The following SFXN5 variants were observed in gnomAD, a reference collection of about 807,000 sequenced individuals.
The protein encoded by SFXN5 is sideroflexin 5.
In SFXN5, 43 loss-of-function variants were observed where a neutral mutation model predicts 50.2. That is an observed-to-expected ratio of 0.86 (90% confidence interval 0.67 to 1.11). The LOEUF (loss-of-function observed/expected upper bound fraction) is 1.11. Ranked by LOEUF, SFXN5 falls within the 50% of genes least tolerant of loss-of-function variation. The probability of loss-of-function intolerance (pLI) is 0.00; values close to 1 mark genes in which losing one functional copy is unlikely to be tolerated. For missense variants in SFXN5, 463 were observed against 454.1 expected, an observed-to-expected ratio of 1.02 and a Z score of -0.18; for synonymous variants, 203 against 185.8, an observed-to-expected ratio of 1.09 and a Z score of -0.75.
Position 72,961,092 on chromosome 2 carries a change from C to CCCCTG in SFXN5, c.945+34_945+38dup, listed in dbSNP as rs59002174. The CCCCTG allele has an allele frequency of 5.1e-6, 7 of 1,375,912 alleles. No individual in the cohort carries two copies. Among genetic ancestry groups the CCCCTG allele is most frequent in the Middle Eastern group, 1.8e-4 (1 of 5,434 alleles). The allele number at this position is 1,375,912 out of a possible 1,614,324, so 85.2% of individuals were successfully genotyped here. The stretch of plus-strand genomic sequence containing the variant: ...TTGTTCAGAAATCACCAAACAGCAC[C>CCCCTG]CCCTGCCCTGCCCTGCCCTTGAGCC... On this transcript the variant is annotated intron_variant, in intron 13 of 13. Coordinates refer to ENST00000272433, the MANE Select transcript of SFXN5 (RefSeq NM_144579.3). The surrounding 1 kb of genome is among the most constrained non-coding windows in gnomAD (Gnocchi z 4.4).
chr2:73,000,445 G>T lies in SFXN5; in HGVS notation c.454C>A (p.Arg152Ser). The change falls in exon 8 of 14, where the codon CGC (arginine) becomes AGC (serine). Residue 152 changes from arginine (R) to serine (S), a missense_variant. Physicochemically the swap from Arg to Ser is moderately radical, Grantham distance 110. Coordinates refer to ENST00000272433, the MANE Select transcript of SFXN5 (RefSeq NM_144579.3). ...SHNACVNYAN[R>S]NATKPSPASK... ...GTGATGCTCACCTTGGTCGCATTGC[G>T]GTTTGCATAGTTGACACAGGCATTG... The T allele has an allele frequency of 6.4e-7, 1 of 1,559,410 alleles. No homozygotes were observed. Among genetic ancestry groups the T allele is most frequent in the East Asian group, 2.4e-5 (1 of 42,240 alleles).
At chr2:73,041,260 T>C (rs1679590243) in intron 2 of SFXN5, among the ~76,000 whole-genome samples, 1 of 152,234 alleles carries the variant, frequency 6.6e-6, no homozygotes, top group African/African-American at 2.4e-5. Context: ...CCTATGTGAA[T>C]ATTTGTATAT....
chr2:73,041,774 C>A, intron 2 of SFXN5: 1 of 231,868 alleles, frequency 4.3e-6, no homozygotes, highest in Non-Finnish European at 9.3e-6. Context: ...ACGATCTCAA[C>A]ACACTGCAGC....
chr2:73,064,719 C>G (rs567764141), intron 1 of SFXN5, among the ~76,000 whole-genome samples: 1 of 152,332 alleles, frequency 6.6e-6, no homozygotes, highest in African/African-American at 2.4e-5. Flanking sequence ...CCCACTAGGC[C>G]TTGGTCCCCA....
chr2:73,035,889 A>C (rs1467806920), intron 3 of SFXN5, among the ~76,000 whole-genome samples: 1 of 152,202 alleles, frequency 6.6e-6, no homozygotes, highest in Non-Finnish European at 1.5e-5. Flanking sequence ...TCAGGAGCAA[A>C]CAAACAATCA....
chr2:72,952,861 A>G (rs879511), intron 13 of SFXN5, among the ~76,000 whole-genome samples: 29,987 of 152,022 alleles, frequency 0.2, 9,006 homozygotes, highest in African/African-American at 0.65. Context: ...CCCCAGCCCC[A>G]CTCACTAAGC....
chr2:73,028,850 A>C (rs1284527303), intron 3 of SFXN5, among the ~76,000 whole-genome samples: 1 of 152,178 alleles, frequency 6.6e-6, no homozygotes, highest in African/African-American at 2.4e-5. Context: ...AAAGACATGA[A>C]AGAGGAACAG....
rs561555886 is a variant in SFXN5 at position 73,000,114 on chromosome 2, G to T, written c.468+317C>A. 9.2e-5 allele frequency among the ~76,000 whole-genome samples: 14 copies of T among 152,322 alleles called. 1 individual carries two copies. The South Asian group carries it at 2.5e-3, about 27-fold the overall frequency. On this transcript the variant is annotated intron_variant, in intron 8 of 13. Coordinates refer to ENST00000272433, the MANE Select transcript of SFXN5 (RefSeq NM_144579.3). ...TACCATCATGATCCAAAACCCAAATGTAAGAGCTACCCAAGAAGAATCTGA... is the reference window on the plus strand; with the variant it reads ...TACCATCATGATCCAAAACCCAAATTTAAGAGCTACCCAAGAAGAATCTGA...
At chr2:73,027,812 A>C (rs1255684965) in intron 3 of SFXN5, among the ~76,000 whole-genome samples, 1 of 152,028 alleles carries the variant, frequency 6.6e-6, no homozygotes, top group Non-Finnish European at 1.5e-5. Context: ...GGCGTGTGCC[A>C]CCACACTTGG....
At chr2:72,957,874 G>A (rs1374896293) in intron 13 of SFXN5, among the ~76,000 whole-genome samples, 1 of 152,218 alleles carries the variant, frequency 6.6e-6, no homozygotes, top group African/African-American at 2.4e-5. Context: ...AATCATGCCT[G>A]TACCCTCCCT....
intron 2 of SFXN5, among the ~76,000 whole-genome samples, chr2:73,046,487 AC>A (rs1680345714): frequency 6.6e-6 from 1 of 152,068 alleles, no homozygotes. Flanking sequence ...TATCTGTTAG[AC>A]CAAAAAGTCT....
intron 6 of SFXN5, among the ~76,000 whole-genome samples, chr2:73,011,181 G>A (rs560384335): frequency 9.9e-4 from 150 of 152,234 alleles, no homozygotes; most frequent in Non-Finnish European, 2.0e-3. Flanking sequence ...AGCCTCCTGA[G>A]TAACTGAGAC....
chr2:73,064,023 A>G (rs1330484311), intron 1 of SFXN5, among the ~76,000 whole-genome samples: 3 of 152,058 alleles, frequency 2.0e-5, no homozygotes, highest in Admixed American at 6.5e-5. Context: ...CTTTCCCTTC[A>G]TAAGAAAGGT....
At chr2:73,023,352 C>G in intron 3 of SFXN5, 138 bp from the exon 4 acceptor site, 4 of 804,932 alleles carry the variant, frequency 5.0e-6, no homozygotes, top group South Asian at 1.8e-5. Context: ...TCCTTGCCAG[C>G]CCAGGCTGGG....
intron 2 of SFXN5, among the ~76,000 whole-genome samples, chr2:73,057,300 G>A (rs945477392): frequency 3.3e-5 from 5 of 152,024 alleles, no homozygotes; most frequent in Admixed American, 1.3e-4. Flanking sequence ...CACCACACTC[G>A]GATAATTTTT....
intron 1 of SFXN5, among the ~76,000 whole-genome samples, chr2:73,068,090 C>T (rs1683301656): frequency 6.6e-6 from 1 of 152,216 alleles, no homozygotes; most frequent in African/African-American, 2.4e-5. Flanking sequence ...CCTCCACCCT[C>T]TTTCTGCCCG....
intron 12 of SFXN5, among the ~76,000 whole-genome samples, chr2:72,963,951 A>C (rs1243902875): frequency 2.6e-5 from 4 of 152,198 alleles, no homozygotes; most frequent in African/African-American, 9.7e-5. Flanking sequence ...TGCACCCCCC[A>C]GAGGCAGCCC....
intron 12 of SFXN5, 39 bp downstream of exon 12, chr2:72,968,409 C>A (rs923441029): frequency 9.4e-6 from 15 of 1,589,028 alleles, no homozygotes; most frequent in Non-Finnish European, 1.2e-5. Context: ...CCCCCTCCTC[C>A]CCCATGGTGG....
At chr2:72,991,519 G>A (rs1343081448) in intron 9 of SFXN5, among the ~76,000 whole-genome samples, 9 of 152,366 alleles carry the variant, frequency 5.9e-5, no homozygotes, top group East Asian at 3.9e-4. Context: ...CAGGGAGGGC[G>A]TGGACACGGA....
Sources: allele counts gnomAD v4.1 joint callset (sites outside exome capture counted in the v4.1 genomes callset), GRCh38; gene constraint gnomAD v4.1.1; non-coding constraint Gnocchi (gnomAD v3.1); transcripts MANE v1.5; gene names NCBI Gene and HGNC (gene_info 2026-07-23, HGNC 2026-07-21).